CERT1: variants seen among roughly 807,000 people sequenced by gnomAD.
CERT1 encodes the protein ceramide transporter 1.
A neutral mutation model predicts 87.9 loss-of-function variants in CERT1; 31 were observed. The ratio of observed to expected loss-of-function variants is 0.35; its 90% CI spans 0.27 to 0.48. The LOEUF (loss-of-function observed/expected upper bound fraction) is 0.48. Among genes scored for constraint, CERT1 ranks in the 20% least tolerant of loss-of-function variants. CERT1 has a pLI of 0.99. For synonymous variants in CERT1, 289 were observed against 250.9 expected (o/e 1.15, Z -1.44); for missense variants, 487 against 758.0 (o/e 0.64, Z 4.20).
intron 3 of CERT1, among the ~76,000 whole-genome samples, chr5:75,434,037 A>G (rs183659844): frequency 6.6e-6 from 1 of 151,928 alleles, no homozygotes; most frequent in African/African-American, 2.4e-5. Flanking sequence ...GTTCAATAGG[A>G]GTGGTGAGAG....
At chr5:75,434,782 A>C (rs925499917) in intron 3 of CERT1, among the ~76,000 whole-genome samples, 3 of 152,034 alleles carry the variant, frequency 2.0e-5, no homozygotes, top group African/African-American at 7.2e-5. Flanking sequence ...TTTTGTGCAC[A>C]GAGGTTTTTA....
At chr5:75,494,951 G>A (rs371039202) in intron 2 of CERT1, among the ~76,000 whole-genome samples, 1 of 152,248 alleles carries the variant, frequency 6.6e-6, no homozygotes, top group African/African-American at 2.4e-5. Flanking sequence ...TTCACAACAG[G>A]AGACAACCTT....
At chr5:75,463,276 C>T (rs1765315414) in intron 2 of CERT1, among the ~76,000 whole-genome samples, 1 of 152,054 alleles carries the variant, frequency 6.6e-6, no homozygotes, top group Admixed American at 6.5e-5. Flanking sequence ...CATTACCAAA[C>T]CCTCTACCCC....
intron 2 of CERT1, among the ~76,000 whole-genome samples, chr5:75,472,366 G>T (rs1169466853): frequency 6.6e-6 from 1 of 152,128 alleles, no homozygotes; most frequent in Non-Finnish European, 1.5e-5. Flanking sequence ...CATTGGTCTG[G>T]CAAGAATTTT....
At chr5:75,489,370 T>C (rs548368221) in intron 2 of CERT1, among the ~76,000 whole-genome samples, 1 of 152,216 alleles carries the variant, frequency 6.6e-6, no homozygotes, top group East Asian at 1.9e-4. Context: ...CCAAAAGCAA[T>C]GGCAACAAAA....
chr5:75,422,148 T>C (rs1763407892), intron 5 of CERT1, among the ~76,000 whole-genome samples: 1 of 152,186 alleles, frequency 6.6e-6, no homozygotes, highest in African/African-American at 2.4e-5. Flanking sequence ...AGTGAGACTA[T>C]GGTGAAGGGT....
intron 2 of CERT1, among the ~76,000 whole-genome samples, chr5:75,470,028 G>A (rs1451014290): frequency 1.3e-5 from 2 of 152,062 alleles, no homozygotes; most frequent in African/African-American, 4.8e-5. Flanking sequence ...AATATAATAT[G>A]CATCCAACAC....
intron 3 of CERT1, among the ~76,000 whole-genome samples, chr5:75,444,906 T>C (rs542550576): frequency 1.3e-5 from 2 of 152,330 alleles, no homozygotes; most frequent in South Asian, 2.1e-4. Context: ...TGTATTTCTA[T>C]ACCTATTTTT....
intron 12 of CERT1, 69 bp downstream of exon 12, chr5:75,389,523 C>T (rs1761947600): frequency 8.7e-7 from 1 of 1,147,762 alleles, no homozygotes; most frequent in African/African-American, 1.5e-5. Flanking sequence ...TTATTCATAT[C>T]AATAGTAATG....
intron 2 of CERT1, among the ~76,000 whole-genome samples, chr5:75,504,640 TTGAG>T (rs1455661422): frequency 1.3e-5 from 2 of 152,040 alleles, no homozygotes; most frequent in African/African-American, 4.8e-5. Flanking sequence ...TGACTTCTCT[TTGAG>T]TGAGTTAGTA....
intron 14 of CERT1, among the ~76,000 whole-genome samples, chr5:75,384,097 A>AT (rs1211663037): frequency 3.1e-4 from 47 of 152,178 alleles, no homozygotes; most frequent in Non-Finnish European, 1.3e-4. Flanking sequence ...CATGCTAGCC[A>AT]TTACCCTTAT....
intron 2 of CERT1, among the ~76,000 whole-genome samples, chr5:75,484,164 G>A (rs944691079): frequency 1.3e-5 from 2 of 151,910 alleles, no homozygotes; most frequent in Non-Finnish European, 2.9e-5. Context: ...AAGTTATCAT[G>A]AGTCTAAAAT....
intron 3 of CERT1, among the ~76,000 whole-genome samples, chr5:75,429,390 C>G (rs776024442): frequency 5.3e-5 from 8 of 151,822 alleles, no homozygotes; most frequent in Non-Finnish European, 8.8e-5. Context: ...TTAGTAGAGA[C>G]GGGGTTTCAT....
Position 75,399,305 on chromosome 5 carries a change from A to G in CERT1, c.1188+5T>C. The G allele has an allele frequency of 6.2e-7, 1 of 1,600,022 alleles. No homozygotes were observed. Among genetic ancestry groups the G allele is most frequent in the Non-Finnish European group, 8.6e-7 (1 of 1,167,194 alleles). On this transcript the variant is annotated splice_donor_5th_base_variant and intron_variant, in intron 11 of 16. Transcript: ENST00000643780. The stretch of plus-strand genomic sequence containing the variant: ...TCAAGTCCACTCTATACATTCATAC[A>G]GTACCTGGGAGCTGAATCTGTGAAC...
chr5:75,426,027 G>C (rs554526241), intron 4 of CERT1, among the ~76,000 whole-genome samples: 2 of 152,172 alleles, frequency 1.3e-5, no homozygotes, highest in Non-Finnish European at 2.9e-5. Context: ...TGTTCATAGA[G>C]ATGCAAATGA....
At chr5:75,493,989 T>C (rs746483170) in intron 2 of CERT1, among the ~76,000 whole-genome samples, 2 of 152,170 alleles carry the variant, frequency 1.3e-5, no homozygotes, top group African/African-American at 2.4e-5. Context: ...ATAGTATACT[T>C]ACTTTTTCAT....
intron 2 of CERT1, among the ~76,000 whole-genome samples, chr5:75,492,330 T>G (rs1406312663): frequency 6.6e-6 from 1 of 152,138 alleles, no homozygotes; most frequent in African/African-American, 2.4e-5. Flanking sequence ...ATCACTGCAT[T>G]CCAGCCTGGA....
At chr5:75,369,158 C>G (rs1760996920) in intron 17 of CERT1, 1 of 152,106 alleles carries the variant, frequency 6.6e-6, no homozygotes, top group African/African-American at 2.4e-5. Flanking sequence ...TCAGGCAATC[C>G]ACCCGCCTCA....
intron 3 of CERT1, among the ~76,000 whole-genome samples, chr5:75,445,295 C>G (rs1283445818): frequency 6.6e-6 from 1 of 152,156 alleles, no homozygotes; most frequent in African/African-American, 2.4e-5. Context: ...TGCACTTTTA[C>G]TAAGATTTTT....
Sources: gnomAD v4.1 joint callset for allele counts (sites outside exome capture counted in the v4.1 genomes callset) on GRCh38, gnomAD v4.1.1 for gene constraint, MANE v1.5 for transcripts, NCBI Gene and HGNC (gene_info 2026-07-23, HGNC 2026-07-21) for gene names.